CAB39L: variants seen among roughly 807,000 people sequenced by gnomAD.
CAB39L encodes calcium-binding protein 39-like.
Under a neutral mutation model 39.1 loss-of-function variants are expected in CAB39L, and 23 were observed. The ratio of observed to expected loss-of-function variants is 0.59; its 90% CI spans 0.42 to 0.83. The LOEUF is 0.83. Among genes scored for constraint, CAB39L ranks in the 40% least tolerant of loss-of-function variants. The pLI, the probability that CAB39L is intolerant of heterozygous loss-of-function variation, is 0.00. For synonymous variants in CAB39L, 126 were observed against 137.2 expected (o/e 0.92, Z 0.57); for missense variants, 366 against 391.9 (o/e 0.93, Z 0.56).
chr13:49,442,058 G>A (rs937926748), intron 1 of CAB39L, among the ~76,000 whole-genome samples: 1 of 152,188 alleles, frequency 6.6e-6, no homozygotes, highest in African/African-American at 2.4e-5. Flanking sequence ...GACATTCTGA[G>A]TAAGAGGTTG....
At chr13:49,324,550 C>T (rs1954444815) in intron 10 of CAB39L, among the ~76,000 whole-genome samples, 1 of 152,148 alleles carries the variant, frequency 6.6e-6, no homozygotes, top group Non-Finnish European at 1.5e-5. Context: ...TTCGAATTTA[C>T]CAGCCTCAGT....
intron 1 of CAB39L, among the ~76,000 whole-genome samples, chr13:49,434,543 T>G (rs1161271018): frequency 6.6e-6 from 1 of 152,142 alleles, no homozygotes; most frequent in Non-Finnish European, 1.5e-5. Context: ...CCTTGATAAA[T>G]TTTATGGTTT....
chr13:49,435,439 A>AT (rs1957393649), intron 1 of CAB39L, among the ~76,000 whole-genome samples: 2 of 152,042 alleles, frequency 1.3e-5, no homozygotes, highest in Admixed American at 1.3e-4. Context: ...TAACTTTTGG[A>AT]TTTTGTTGAA....
At chr13:49,417,406 AC>A (rs1566130186) in intron 3 of CAB39L, among the ~76,000 whole-genome samples, 1 of 152,102 alleles carries the variant, frequency 6.6e-6, no homozygotes, top group Non-Finnish European at 1.5e-5. Context: ...CCATCCAAAA[AC>A]CCCAACTAAT....
intron 10 of CAB39L, among the ~76,000 whole-genome samples, chr13:49,316,774 ATTTGGAAACACAG>A (rs905730708): frequency 6.6e-6 from 1 of 152,242 alleles, no homozygotes; most frequent in Non-Finnish European, 1.5e-5. Flanking sequence ...GCGTGATTTT[ATTTGGAAACACAG>A]ACTTTCTTTA....
chr13:49,400,040 T>G (rs964876413), intron 3 of CAB39L, among the ~76,000 whole-genome samples: 1 of 152,056 alleles, frequency 6.6e-6, no homozygotes, highest in African/African-American at 2.4e-5. Context: ...GAGGAAATGT[T>G]AGAGAAATTA....
intron 10 of CAB39L, among the ~76,000 whole-genome samples, chr13:49,327,334 C>T (rs554238666): frequency 1.8e-4 from 27 of 152,154 alleles, no homozygotes; most frequent in Non-Finnish European, 2.9e-4. Flanking sequence ...GACAGAGTCT[C>T]GCTCAGTCAC....
intron 4 of CAB39L, 112 bp from the exon 5 acceptor site, chr13:49,377,243 T>C (rs1484900335): frequency 1.4e-5 from 11 of 775,614 alleles, no homozygotes; most frequent in Non-Finnish European, 2.1e-5. Flanking sequence ...TGTTTATTTA[T>C]AATGAATGGC....
chr13:49,397,524 T>A (rs1956668409), intron 3 of CAB39L, among the ~76,000 whole-genome samples: 1 of 152,096 alleles, frequency 6.6e-6, no homozygotes, highest in Non-Finnish European at 1.5e-5. Context: ...AATACATTTT[T>A]AAAAATAATT....
chr13:49,440,205 T>C (rs1957487453), intron 1 of CAB39L, among the ~76,000 whole-genome samples: 1 of 152,124 alleles, frequency 6.6e-6, no homozygotes, highest in Non-Finnish European at 1.5e-5. Flanking sequence ...ATTCTTACTG[T>C]TTGAGTTCTT....
intron 3 of CAB39L, among the ~76,000 whole-genome samples, chr13:49,410,836 T>C (rs1566125565): frequency 1.3e-5 from 2 of 152,178 alleles, no homozygotes; most frequent in Non-Finnish European, 2.9e-5. Flanking sequence ...CCAGTAATTA[T>C]AGTGGGTTCC....
chr13:49,395,305 G>A (rs1956585448), intron 3 of CAB39L, among the ~76,000 whole-genome samples: 2 of 149,772 alleles, frequency 1.3e-5, no homozygotes, highest in South Asian at 2.1e-4. Flanking sequence ...GCATGATCTC[G>A]GCTCACTGCA....
At chr13:49,390,203 C>T (rs1420079424) in intron 3 of CAB39L, among the ~76,000 whole-genome samples, 1 of 152,046 alleles carries the variant, frequency 6.6e-6, no homozygotes, top group African/African-American at 2.4e-5. Flanking sequence ...AGCTTTTTAA[C>T]TTTCTTATTC....
rs556135749 is a variant in CAB39L at position 49,359,385 on chromosome 13, C to G, written c.395+329G>C. On this transcript the variant is annotated intron_variant, in intron 6 of 10. Transcript: ENST00000409308. ...CGTGGTGAGGGCATTCAATCTCATG[C>G]AAGCAGGAAAAGGGTAAGTGGGCAG... 1.2e-3 allele frequency among the ~76,000 whole-genome samples: 189 copies of G among 151,942 alleles called. 1 individual carries two copies. The highest frequency in any genetic ancestry group is 4.4e-3 in the African/African-American group (182 of 41,404).
At chr13:49,338,701 C>T (rs1266480536) in intron 9 of CAB39L, among the ~76,000 whole-genome samples, 15 of 152,006 alleles carry the variant, frequency 9.9e-5, no homozygotes, top group East Asian at 1.9e-4. Context: ...TTCGTATATG[C>T]GATCATGTAG....
chr13:49,425,683 T>C (rs1284043580), intron 3 of CAB39L, among the ~76,000 whole-genome samples: 4 of 152,128 alleles, frequency 2.6e-5, no homozygotes, highest in Non-Finnish European at 4.4e-5. Context: ...CAATTTTTAG[T>C]GAGGTTGAGA....
intron 5 of CAB39L, among the ~76,000 whole-genome samples, chr13:49,364,536 G>GA (rs1389889834): frequency 6.6e-6 from 1 of 152,012 alleles, no homozygotes; most frequent in African/African-American, 2.4e-5. Flanking sequence ...CTTATATTTG[G>GA]AAAAAACTAA....
chr13:49,433,276 G>A (rs557455981), intron 3 of CAB39L, 42 bp downstream of exon 3: 27 of 425,810 alleles, frequency 6.3e-5, no homozygotes, highest in South Asian at 4.1e-4. Flanking sequence ...CACGTCTGTC[G>A]AGAGCACTTA....
At chr13:49,388,961 GC>G (rs951408945) in intron 3 of CAB39L, among the ~76,000 whole-genome samples, 39 of 152,128 alleles carry the variant, frequency 2.6e-4, no homozygotes, top group African/African-American at 9.2e-4. Flanking sequence ...CCCAACAAAA[GC>G]GGGGGAACAT....
Sources: allele counts gnomAD v4.1 joint callset (sites outside exome capture counted in the v4.1 genomes callset), GRCh38; gene constraint gnomAD v4.1.1; transcripts MANE v1.5; gene names NCBI Gene and HGNC (gene_info 2026-07-23, HGNC 2026-07-21).